Variants in R3HCC1L observed in about 807,000 individuals in gnomAD.
R3HCC1L encodes R3H domain and coiled-coil containing 1 like, also known as coiled-coil domain-containing protein R3HCC1L.
Under a neutral mutation model 59.9 loss-of-function variants are expected in R3HCC1L, and 51 were observed. The observed-to-expected ratio is 0.85, with a 90% confidence interval of 0.68 to 1.07. R3HCC1L has a LOEUF of 1.07. R3HCC1L is among the 50% of genes least tolerant of loss of function. R3HCC1L has a pLI of 0.00. For synonymous variants in R3HCC1L, 322 were observed against 315.2 expected (o/e 1.02, Z -0.23); for missense variants, 965 against 933.0 (o/e 1.03, Z -0.45).
chr10:98,223,220 C>T (rs1302001477), intron 5 of R3HCC1L, among the ~76,000 whole-genome samples: 5 of 152,150 alleles, frequency 3.3e-5, no homozygotes, highest in South Asian at 2.1e-4. Context: ...ACCAAAGCCA[C>T]GCAGAGACAC....
chr10:98,155,721 T>C (rs1210702832), intron 1 of R3HCC1L, among the ~76,000 whole-genome samples: 2 of 151,910 alleles, frequency 1.3e-5, no homozygotes, highest in African/African-American at 4.8e-5. Context: ...TACTTTCAAC[T>C]CCTTAAGCTA....
At chr10:98,138,797 T>C (rs1272209657) in intron 1 of R3HCC1L, among the ~76,000 whole-genome samples, 2 of 152,066 alleles carry the variant, frequency 1.3e-5, no homozygotes, top group South Asian at 2.1e-4. Flanking sequence ...GCTCACTAGA[T>C]GTAACTTTGG....
chr10:98,234,461 T>C lies in R3HCC1L; in HGVS notation c.1977T>C (p.Asp659=). The change falls in exon 7 of 10, where the codon GAT becomes GAC. Residue 659 remains aspartate (D), a synonymous_variant. Transcript: ENST00000298999. ...TGTGTTGCAGAAAGAAAGGATTTGA[T>C]ATTAAATGGGTGGATGATACACATG... is the stretch of plus-strand genomic sequence containing the variant. The part of the protein sequence containing the change: ...VFCSYQKKGF[D]IKWVDDTHAL... 6.2e-7 allele frequency: 1 copy of C among 1,613,332 alleles called. No homozygotes were observed. The highest frequency in any genetic ancestry group is 1.3e-5 in the African/African-American group (1 of 75,028).
At chr10:98,145,170 T>C (rs1309068389) in intron 1 of R3HCC1L, among the ~76,000 whole-genome samples, 1 of 152,246 alleles carries the variant, frequency 6.6e-6, no homozygotes, top group Non-Finnish European at 1.5e-5. Context: ...AGTGTTTGAC[T>C]AAGGCTGCCT....
chr10:98,222,362 A>G (rs1367060786), intron 5 of R3HCC1L, among the ~76,000 whole-genome samples: 1 of 151,704 alleles, frequency 6.6e-6, no homozygotes, highest in East Asian at 1.9e-4. Context: ...CTAATTGAAT[A>G]CCCTTTATTT....
At chr10:98,241,798 C>T (rs151024375) in intron 9 of R3HCC1L, among the ~76,000 whole-genome samples, 54 of 152,244 alleles carry the variant, frequency 3.5e-4, no homozygotes, top group African/African-American at 1.3e-3. Flanking sequence ...AGATTCAGTT[C>T]TTTCACTGGC....
chr10:98,224,197 C>T (rs1365094353), intron 5 of R3HCC1L, among the ~76,000 whole-genome samples: 3 of 151,980 alleles, frequency 2.0e-5, no homozygotes, highest in Middle Eastern at 3.2e-3. Flanking sequence ...GGTCTGCTTT[C>T]AGGTTCCCCT....
chr10:98,140,776 A>G (rs981034461), intron 1 of R3HCC1L, among the ~76,000 whole-genome samples: 2 of 152,210 alleles, frequency 1.3e-5, no homozygotes, highest in East Asian at 1.9e-4. Context: ...TTTATTTTGC[A>G]TATTCAGCAT....
At position 98,155,204 on chromosome 10, in the gene R3HCC1L, C is replaced by A. The variant is rs1351319176; in HGVS notation, c.-267-889C>A. Among the ~76,000 whole-genome samples, 8 of 152,272 alleles carry A rather than the reference C, an allele frequency of 5.3e-5. No individual in the cohort carries two copies. The East Asian group carries it at 1.5e-3, about 29-fold the overall frequency. Reference sequence around the variant, plus strand: ...CTCTGTCTCACTGCTGTTAATTATACTTCCTAAAATAGATAAATGAGCAGA... The same window carrying A: ...CTCTGTCTCACTGCTGTTAATTATAATTCCTAAAATAGATAAATGAGCAGA... On this transcript the variant is annotated intron_variant, in intron 1 of 9. Coordinates refer to ENST00000298999, the MANE Select transcript of R3HCC1L (RefSeq NM_001351015.2).
At chr10:98,178,784 T>C (rs1849313567) in intron 4 of R3HCC1L, among the ~76,000 whole-genome samples, 1 of 152,218 alleles carries the variant, frequency 6.6e-6, no homozygotes, top group African/African-American at 2.4e-5. Context: ...TTCACATCCC[T>C]TGTAAGTTGG....
At chr10:98,224,729 T>C (rs547223897) in intron 5 of R3HCC1L, among the ~76,000 whole-genome samples, 1 of 152,358 alleles carries the variant, frequency 6.6e-6, no homozygotes, top group East Asian at 1.9e-4. Flanking sequence ...TGGTCTATAA[T>C]AGATAGATCA....
rs532183984 is a variant in R3HCC1L, at chr10:98,208,972, T to G, written c.858T>G (p.Val286=). Residue 286 remains valine (V), a synonymous_variant, in exon 5 of 10, where the codon GTT becomes GTG. Coordinates refer to ENST00000298999, the MANE Select transcript of R3HCC1L (RefSeq NM_001351015.2). ...VFDQTCVDFE[V]ESVGGIANST... is the part of the protein sequence containing the mutation. ...ATCAAACTTGCGTAGATTTTGAAGTTGAGAGTGTAGGTGGTATAGCCAATA... is the reference window on the plus strand; with the variant it reads ...ATCAAACTTGCGTAGATTTTGAAGTGGAGAGTGTAGGTGGTATAGCCAATA... The G allele has an allele frequency of 3.1e-6, 5 of 1,614,026 alleles. No homozygotes were observed. In the Admixed American group the frequency reaches 5.0e-5, roughly 16 times the overall value.
At chr10:98,164,443 C>T (rs1216389688) in intron 4 of R3HCC1L, among the ~76,000 whole-genome samples, 2 of 152,164 alleles carry the variant, frequency 1.3e-5, no homozygotes, top group Non-Finnish European at 2.9e-5. Flanking sequence ...TTTTGCATGG[C>T]TCATGTGAGT....
intron 4 of R3HCC1L, among the ~76,000 whole-genome samples, chr10:98,183,401 A>G (rs1849862098): frequency 6.8e-6 from 1 of 147,744 alleles, no homozygotes; most frequent in East Asian, 2.0e-4. Context: ...TTCCACCATC[A>G]GTTTGAATAT....
intron 1 of R3HCC1L, among the ~76,000 whole-genome samples, chr10:98,139,540 G>C (rs1844924329): frequency 1.3e-5 from 2 of 152,194 alleles, no homozygotes; most frequent in Admixed American, 1.3e-4. Flanking sequence ...CGCTAGTGCA[G>C]AAAACATTTA....
chr10:98,230,209 C>T (rs1856203661), intron 5 of R3HCC1L, among the ~76,000 whole-genome samples: 1 of 152,262 alleles, frequency 6.6e-6, no homozygotes, highest in Admixed American at 6.5e-5. Context: ...TCCGTCTGGT[C>T]CTGGACTTTT....
At chr10:98,162,399 A>G (rs972120920) in intron 2 of R3HCC1L, among the ~76,000 whole-genome samples, 1 of 152,246 alleles carries the variant, frequency 6.6e-6, no homozygotes, top group Non-Finnish European at 1.5e-5. Context: ...AATAAAATGT[A>G]TACCTCCACT....
rs376314517 is a variant in R3HCC1L at position 98,156,996 on chromosome 10, T to A, written c.-213+849T>A. On this transcript the variant is annotated intron_variant, in intron 2 of 9. Coordinates refer to ENST00000298999, the MANE Select transcript of R3HCC1L (RefSeq NM_001351015.2). The stretch of plus-strand genomic sequence containing the variant: ...CATGTCTGAAAATATTTTTGGTTTC[T>A]ATTTTCACATTTGATTAATATAGTT... 2.0e-4 allele frequency among the ~76,000 whole-genome samples: 31 copies of A among 152,378 alleles called. 1 individual carries two copies. In the South Asian group the frequency reaches 6.2e-3, roughly 31 times the overall value.
intron 4 of R3HCC1L, among the ~76,000 whole-genome samples, chr10:98,202,628 C>T (rs145711604): frequency 3.9e-5 from 6 of 151,992 alleles, no homozygotes; most frequent in African/African-American, 1.4e-4. Context: ...CTGAGGCGGG[C>T]GGAACACAAG....
Sources: allele counts gnomAD v4.1 joint callset (sites outside exome capture counted in the v4.1 genomes callset), GRCh38; gene constraint gnomAD v4.1.1; transcripts MANE v1.5; gene names NCBI Gene and HGNC (gene_info 2026-07-23, HGNC 2026-07-21).